Variants in MID2 observed in about 807,000 individuals in gnomAD.
MID2 encodes the protein probable E3 ubiquitin-protein ligase MID2.
In MID2, 13 loss-of-function variants were observed where a neutral mutation model predicts 46.1. That is an observed-to-expected ratio of 0.28 (90% CI 0.18 to 0.45). The LOEUF is 0.45. Among genes scored for constraint, MID2 ranks in the 20% least tolerant of loss-of-function variants. The probability of loss-of-function intolerance (pLI) is 1.00; values close to 1 mark genes in which losing one functional copy is unlikely to be tolerated. For synonymous variants in MID2, 199 were observed against 212.3 expected (o/e 0.94, Z 0.55); for missense variants, 431 against 575.4 (o/e 0.75, Z 2.57).
intron 3 of MID2, among the ~76,000 whole-genome samples, chrX:107,866,719 A>G (rs940318836): frequency 8.9e-6 from 1 of 112,401 alleles, no homozygotes; most frequent in African/African-American, 3.2e-5. Flanking sequence ...AGTATGAAGC[A>G]TTGCCAAGCA....
chrX:107,916,155 C>G, intron 6 of MID2, 26 bp downstream of exon 6: 2 of 1,076,112 alleles, frequency 1.9e-6, no homozygotes, highest in Non-Finnish European at 2.4e-6. Flanking sequence ...GCTTTCCTTT[C>G]CATTTAATTT....
In MID2 at chrX:107,912,266, CTG is replaced by C. The variant is rs769454341; in HGVS notation, c.1074-3734_1074-3733del. ...GGGTTTATGACATTTCATTCTTTGACTGTTATTTCAGTGAGATTTCATGAAAG... is the reference window on the plus strand; with the variant it reads ...GGGTTTATGACATTTCATTCTTTGACTTATTTCAGTGAGATTTCATGAAAG... On this transcript the variant is annotated intron_variant, in intron 5 of 9. Transcript: ENST00000262843. Among the ~76,000 whole-genome samples the C allele has an allele frequency of 2.0e-4, 22 of 111,908 alleles. 1 individual carries two copies. The South Asian group carries it at 7.9e-3, about 40-fold the overall frequency.
At chrX:107,881,795 T>C (rs1315551117) in intron 3 of MID2, among the ~76,000 whole-genome samples, 1 of 112,652 alleles carries the variant, frequency 8.9e-6, no homozygotes, top group Non-Finnish European at 1.9e-5. Context: ...TACACTTTTT[T>C]ATGTAATCAG....
chrX:107,856,593 G>A (rs1019386113), intron 3 of MID2, among the ~76,000 whole-genome samples: 2 of 111,539 alleles, frequency 1.8e-5, no homozygotes, highest in Non-Finnish European at 3.8e-5. Context: ...CCCAAACATA[G>A]CCTGTTCCAA....
intron 7 of MID2, among the ~76,000 whole-genome samples, chrX:107,921,498 C>T (rs939680466): frequency 9.0e-6 from 1 of 111,272 alleles, no homozygotes; most frequent in African/African-American, 3.3e-5. Context: ...CAAACCATCT[C>T]ATCCCTACCC....
In MID2 at chrX:107,930,118, A is replaced by T. The variant is rs936796898; in HGVS notation, c.*3045A>T. On this transcript the variant is annotated 3_prime_UTR_variant, in exon 10 of 10. Coordinates refer to ENST00000262843, the MANE Select transcript of MID2 (RefSeq NM_012216.4). ...GGACTGTGTCTTTTATTGTTGTTAT[A>T]TTGTTAATACCTGGCACAGTGCTTG... Among the ~76,000 whole-genome samples the T allele has an allele frequency of 9.0e-6, 1 of 111,689 alleles. No individual in the cohort carries two copies. Among genetic ancestry groups the T allele is most frequent in the East Asian group, 2.8e-4 (1 of 3,571 alleles).
At chrX:107,876,483 C>T (rs879197132) in intron 3 of MID2, among the ~76,000 whole-genome samples, 1 of 111,178 alleles carries the variant, frequency 9.0e-6, no homozygotes, top group African/African-American at 3.3e-5. Context: ...CGGGTAGCTT[C>T]GTATAACTGA....
chrX:107,909,515 G>A (rs1174305340), intron 5 of MID2, among the ~76,000 whole-genome samples: 1 of 111,751 alleles, frequency 8.9e-6, no homozygotes, highest in Non-Finnish European at 1.9e-5. Context: ...ACTATGTCCT[G>A]TGAACTCCAG....
intron 7 of MID2, among the ~76,000 whole-genome samples, chrX:107,922,147 C>T (rs890852936): frequency 8.9e-6 from 1 of 111,843 alleles, no homozygotes; most frequent in African/African-American, 3.2e-5. Flanking sequence ...TCCAGTCCAT[C>T]CCCACAGGTT....
intron 3 of MID2, among the ~76,000 whole-genome samples, chrX:107,861,242 A>G (rs1222861953): frequency 8.9e-6 from 1 of 112,243 alleles, no homozygotes; most frequent in African/African-American, 3.2e-5. Flanking sequence ...AGAAGATTTC[A>G]TTAGTCATCT....
chrX:107,918,566 G>A (rs1045819916), intron 7 of MID2, among the ~76,000 whole-genome samples: 4 of 111,683 alleles, frequency 3.6e-5, no homozygotes, highest in Admixed American at 2.9e-4. Context: ...CCTGTTTTGT[G>A]ACAAATCTGG....
chrX:107,908,304 G>A (rs1162925581), intron 5 of MID2, among the ~76,000 whole-genome samples: 1 of 111,140 alleles, frequency 9.0e-6, no homozygotes, highest in East Asian at 2.8e-4. Flanking sequence ...CTCTCTATTC[G>A]GGATTCCAAT....
chrX:107,889,525 G>A (rs1022584797), intron 3 of MID2, among the ~76,000 whole-genome samples: 1 of 111,298 alleles, frequency 9.0e-6, no homozygotes, highest in African/African-American at 3.3e-5. Flanking sequence ...TGTGGGACCC[G>A]GCCTTTCTCT....
intron 3 of MID2, among the ~76,000 whole-genome samples, chrX:107,869,838 A>G (rs115737090): frequency 0.019 from 2,067 of 110,899 alleles, 48 homozygotes; most frequent in African/African-American, 0.063. Flanking sequence ...ATATTTAAAA[A>G]AAAAACCTAG....
rs756167022 is a variant in MID2, at chrX:107,840,747, T to C, written c.82T>C (p.Leu28=). 5 of 1,209,755 alleles carry C rather than the reference T, an allele frequency of 4.1e-6. No individual in the cohort carries two copies. The African/African-American group carries it at 7.0e-5, about 17-fold the overall frequency. ...AAAGATGGAAACACTGGAGTCTGAA[T>C]TGACCTGTCCAATCTGCCTAGAGTT... The part of the protein sequence containing the change: ...SLKMETLESE[L]TCPICLELFE... Residue 28 remains leucine (L), a synonymous_variant, in exon 2 of 10, where the codon TTG becomes CTG. Coordinates refer to ENST00000262843, the MANE Select transcript of MID2 (RefSeq NM_012216.4).
rs745827781 is a variant in MID2 at position 107,924,508 on chromosome X, C to T, written c.1597+4C>T. 51 of 1,208,353 alleles carry T rather than the reference C, an allele frequency of 4.2e-5. No individual in the cohort carries two copies. The South Asian group carries it at 6.5e-4, about 15-fold the overall frequency. ...CCTACCCGACTAAAAACAAACAGTA[C>T]GTTGTGGTGATTTCAAAAGGAAAGA... On this transcript the variant is annotated splice_donor_region_variant and intron_variant, in intron 8 of 9. Transcript: ENST00000262843.
At chrX:107,829,509 G>C (rs1931042971) in intron 1 of MID2, among the ~76,000 whole-genome samples, 1 of 112,450 alleles carries the variant, frequency 8.9e-6, no homozygotes, top group Non-Finnish European at 1.9e-5. Flanking sequence ...CAGTTTGTTA[G>C]CTTCTAATGA....
intron 3 of MID2, among the ~76,000 whole-genome samples, chrX:107,879,402 C>T (rs1447737464): frequency 8.9e-6 from 1 of 111,937 alleles, no homozygotes; most frequent in Non-Finnish European, 1.9e-5. Context: ...TCCAGCCATC[C>T]CCGACCAGAC....
At chrX:107,894,867 A>AAGAGAGAG (rs140504946) in intron 3 of MID2, 2 of 92,631 alleles carry the variant, frequency 2.2e-5, no homozygotes, top group East Asian at 6.9e-4. Flanking sequence ...GTGTGTGTGA[A>AAGAGAGAG]AGAGAGAGAG....
Sources: allele counts gnomAD v4.1 joint callset (sites outside exome capture counted in the v4.1 genomes callset), GRCh38; gene constraint gnomAD v4.1.1; transcripts MANE v1.5; gene names NCBI Gene and HGNC (gene_info 2026-07-23, HGNC 2026-07-21).